Variants in TMPRSS6 observed in about 807,000 individuals in gnomAD.
The protein encoded by TMPRSS6 is transmembrane serine protease 6, also known as transmembrane protease serine 6.
A neutral mutation model predicts 101.5 loss-of-function variants in TMPRSS6; 67 were observed. The observed-to-expected ratio is 0.66, with a 90% confidence interval of 0.54 to 0.81. The LOEUF is 0.81. Among genes scored for constraint, TMPRSS6 ranks in the 30% least tolerant of loss-of-function variants. The pLI, the probability that TMPRSS6 is intolerant of heterozygous loss-of-function variation, is 0.00. For missense variants in TMPRSS6, 1,034 were observed against 1,088.7 expected (o/e 0.95, Z 0.71); for synonymous variants, 453 against 464.9 (o/e 0.97, Z 0.33).
chr22:37,066,772 T>G, intron 17 of TMPRSS6, 54 bp downstream of exon 17: 1 of 1,612,266 alleles, frequency 6.2e-7, no homozygotes, highest in African/African-American at 1.3e-5. Context: ...ACCCTGGTGA[T>G]GTGGGCAGCA....
intron 7 of TMPRSS6, among the ~76,000 whole-genome samples, chr22:37,088,991 C>T (rs146411489): frequency 6.6e-6 from 1 of 152,218 alleles, no homozygotes; most frequent in Non-Finnish European, 1.5e-5. Context: ...CACCAGTAAG[C>T]CTCTCTGCTC....
Position 37,098,444 on chromosome 22 carries a change from C to A in TMPRSS6, c.308G>T (p.Arg103Leu), listed in dbSNP as rs369875437. Reference protein sequence around the residue: ...DLTRRESSAFRSETAKAQKML... With the variant: ...DLTRRESSAFLSETAKAQKML... ...CTTCTGGGCTTTGGCGGTTTCACTG[C>A]GGAAGGCACTAGATTCCCGGCGGGT... is the stretch of plus-strand genomic sequence containing the variant. Residue 103 changes from arginine to leucine, a missense_variant, in exon 3 of 18, where the codon CGC becomes CTC. By Grantham distance (102) the Arg-to-Leu change is moderately radical. Transcript: ENST00000676104. 4.5e-5 allele frequency: 72 copies of A among 1,613,796 alleles called. No individual in the cohort carries two copies. The Middle Eastern group carries it at 9.9e-4, about 22-fold the overall frequency.
At chr22:37,079,370 G>A (rs1205883750) in intron 10 of TMPRSS6, among the ~76,000 whole-genome samples, 2 of 152,156 alleles carry the variant, frequency 1.3e-5, no homozygotes, top group Non-Finnish European at 2.9e-5. Flanking sequence ...CATCCAGGAG[G>A]TAGACAGGGA....
intron 8 of TMPRSS6, among the ~76,000 whole-genome samples, chr22:37,085,792 C>T (rs1051017096): frequency 3.9e-5 from 6 of 152,122 alleles, no homozygotes; most frequent in South Asian, 2.1e-4. Context: ...AAGCTCCCTG[C>T]GCCCTCTTGG....
chr22:37,087,053 C>T lies in TMPRSS6; in HGVS notation c.837-634G>A, dbSNP rs117660082. 1.4e-4 allele frequency among the ~76,000 whole-genome samples: 22 copies of T among 152,268 alleles called. No individual in the cohort carries two copies. In the East Asian group the frequency reaches 3.1e-3, roughly 21 times the overall value. The stretch of plus-strand genomic sequence containing the variant: ...CCAGATAGGGAAACTGAGGCCCTAC[C>T]GGCAGTCCATGGCAGAGATAGGCCT... On this transcript the variant is annotated intron_variant, in intron 7 of 17. Transcript: ENST00000676104.
intron 6 of TMPRSS6, among the ~76,000 whole-genome samples, chr22:37,091,282 C>A (rs1269019369): frequency 1.3e-5 from 2 of 152,176 alleles, no homozygotes; most frequent in Admixed American, 1.3e-4. Flanking sequence ...TGGGAGGCAG[C>A]CTGGTGACAT....
intron 7 of TMPRSS6, among the ~76,000 whole-genome samples, chr22:37,087,848 C>A (rs1928908992): frequency 6.6e-6 from 1 of 152,074 alleles, no homozygotes; most frequent in Non-Finnish European, 1.5e-5. Context: ...CAGAGCCCTT[C>A]TTATAAATGA....
At chr22:37,096,239 G>A (rs1183072644) in intron 4 of TMPRSS6, 149 bp from the exon 5 acceptor site, 1 of 881,522 alleles carries the variant, frequency 1.1e-6, no homozygotes, top group Non-Finnish European at 1.8e-6. Flanking sequence ...TCTGAAGGAG[G>A]CGCTCTCATA....
In TMPRSS6 at chr22:37,069,122, C is replaced by T. The variant is rs1288478784; in HGVS notation, c.2064G>A (p.Glu688=). 6.4e-7 allele frequency: 1 copy of T among 1,563,384 alleles called. No homozygotes were observed. Among genetic ancestry groups the T allele is most frequent in the Non-Finnish European group, 8.6e-7 (1 of 1,156,842 alleles). ...VCLPARSHFF[E]PGLHCWITGW... is the part of the protein sequence containing the mutation. ...CCGTAATCCAGCAGTGCAGGCCGGGCTCGAAGAAGTGGGAGCGCGCGGGCA... is the reference window on the plus strand; with the variant it reads ...CCGTAATCCAGCAGTGCAGGCCGGGTTCGAAGAAGTGGGAGCGCGCGGGCA... The change falls in exon 16 of 18, where the codon GAG becomes GAA. Residue 688 remains glutamate (E), a synonymous_variant. Transcript: ENST00000676104. This position sits in a 1 kb window ranked among gnomAD's most constrained non-coding sequence, Gnocchi z 4.8.
chr22:37,110,447 ATT>A (rs1930988180), upstream of TMPRSS6, among the ~76,000 whole-genome samples: 1 of 152,026 alleles, frequency 6.6e-6, no homozygotes, highest in South Asian at 2.1e-4. Flanking sequence ...CGCAGCATGA[ATT>A]CCTACCTGGT....
At chr22:37,104,333 G>A (rs896970823) in intron 1 of TMPRSS6, among the ~76,000 whole-genome samples, 6 of 152,086 alleles carry the variant, frequency 3.9e-5, no homozygotes, top group East Asian at 1.9e-4. Flanking sequence ...AGGCTAAGCC[G>A]CTTGCCCAAG....
chr22:37,104,203 G>C (rs1215043132), intron 1 of TMPRSS6, among the ~76,000 whole-genome samples: 1 of 152,138 alleles, frequency 6.6e-6, no homozygotes, highest in African/African-American at 2.4e-5. Context: ...GAGACCCAGA[G>C]TGTTCTAGCA....
At chr22:37,085,006 C>T (rs985295054) in intron 8 of TMPRSS6, among the ~76,000 whole-genome samples, 167 bp from the exon 9 acceptor site, 2 of 152,150 alleles carry the variant, frequency 1.3e-5, no homozygotes, top group African/African-American at 2.4e-5. Flanking sequence ...AAAATGAGGA[C>T]AGTAATAGCA....
intron 1 of TMPRSS6, among the ~76,000 whole-genome samples, chr22:37,108,194 CGT>C (rs1191249485): frequency 6.6e-6 from 1 of 152,204 alleles, no homozygotes; most frequent in Non-Finnish European, 1.5e-5. Flanking sequence ...CAAGAGCCCT[CGT>C]GGACCTTGAG....
chr22:37,076,395 GCAC>G (rs1927673690), intron 10 of TMPRSS6, among the ~76,000 whole-genome samples: 1 of 152,200 alleles, frequency 6.6e-6, no homozygotes, highest in South Asian at 2.1e-4. Context: ...AGCTGTGGGA[GCAC>G]CCTCACATCC....
Position 37,075,126 on chromosome 22 carries a change from C to A in TMPRSS6, c.1342+9G>T. 6.2e-7 allele frequency: 1 copy of A among 1,613,752 alleles called. No individual in the cohort carries two copies. Among genetic ancestry groups the A allele is most frequent in the Non-Finnish European group, 8.5e-7 (1 of 1,180,036 alleles). On this transcript the variant is annotated intron_variant, in intron 11 of 17. Transcript: ENST00000676104. ...ACTGCAGGGGGTTCCCCCGGCTGCC[C>A]ATACTCACGGTCCGACTGGTTGTAC...
At chr22:37,068,298 T>C (rs995407449) in intron 16 of TMPRSS6, among the ~76,000 whole-genome samples, 1 of 152,230 alleles carries the variant, frequency 6.6e-6, no homozygotes, top group Admixed American at 6.5e-5. Context: ...GCCATCCCCT[T>C]GGGTAAGTCA....
chr22:37,074,218 G>A (rs1927406490), intron 12 of TMPRSS6, among the ~76,000 whole-genome samples: 1 of 152,176 alleles, frequency 6.6e-6, no homozygotes, highest in South Asian at 2.1e-4. Context: ...ACCGTGGCAG[G>A]ATCATCCCCC....
At chr22:37,078,953 AAAAG>A (rs796752444) in intron 10 of TMPRSS6, among the ~76,000 whole-genome samples, 15,462 of 110,010 alleles carry the variant, frequency 0.14, 1,214 homozygotes, top group Non-Finnish European at 0.15. Context: ...GAGAAGGAGA[AAAAG>A]AGAAAGAAAG....
Sources: gnomAD v4.1 joint callset for allele counts (sites outside exome capture counted in the v4.1 genomes callset) on GRCh38, gnomAD v4.1.1 for gene constraint, Gnocchi (gnomAD v3.1) non-coding constraint, MANE v1.5 for transcripts, NCBI Gene and HGNC (gene_info 2026-07-23, HGNC 2026-07-21) for gene names.